The following DPP10 variants were observed in gnomAD, a reference collection of about 807,000 sequenced individuals.
DPP10 encodes the protein inactive dipeptidyl peptidase 10.
Under a neutral mutation model 120.9 loss-of-function variants are expected in DPP10, and 33 were observed. The observed-to-expected ratio is 0.27, with a 90% CI of 0.21 to 0.37. DPP10 has a LOEUF of 0.37. Ranked by LOEUF, DPP10 falls within the 10% of genes least tolerant of loss-of-function variation. DPP10 has a pLI of 1.00. For missense variants in DPP10, 816 were observed against 942.8 expected, an observed-to-expected ratio of 0.87 and a Z score of 1.76; for synonymous variants, 337 against 326.1, an observed-to-expected ratio of 1.03 and a Z score of -0.36.
At chr2:115,743,640 T>TCACGATTTCCTATCAC (rs1278929433) in intron 9 of DPP10, among the ~76,000 whole-genome samples, 7 of 141,096 alleles carry the variant, frequency 5.0e-5, no homozygotes, top group Admixed American at 3.8e-4. Context: ...TTTACATAAA[T>TCACGATTTCCTATCAC]CTTTTTATTA....
At chr2:115,534,746 A>G (rs1486737810) in intron 5 of DPP10, among the ~76,000 whole-genome samples, 1 of 149,606 alleles carries the variant, frequency 6.7e-6, no homozygotes, top group Non-Finnish European at 1.5e-5. Context: ...AAGTGTTCCT[A>G]TTTCTCCACA....
At chr2:114,660,002 G>C (rs976490788) in intron 1 of DPP10, among the ~76,000 whole-genome samples, 2 of 152,180 alleles carry the variant, frequency 1.3e-5, no homozygotes, top group Non-Finnish European at 2.9e-5. Context: ...CTTCATTTCA[G>C]ACTTCTAGGC....
At chr2:114,688,855 G>T (rs1364185433) in intron 1 of DPP10, among the ~76,000 whole-genome samples, 2 of 151,832 alleles carry the variant, frequency 1.3e-5, no homozygotes, top group African/African-American at 2.4e-5. Flanking sequence ...CAAAGGAGAA[G>T]TTAGGAGGAC....
chr2:115,056,158 A>C (rs1381515924), intron 1 of DPP10, among the ~76,000 whole-genome samples: 1 of 152,182 alleles, frequency 6.6e-6, no homozygotes, highest in Non-Finnish European at 1.5e-5. Context: ...TATTGCATAC[A>C]TACGGATCCT....
chr2:114,591,554 A>ATTT (rs70937292), intron 1 of DPP10, among the ~76,000 whole-genome samples: 40 of 124,570 alleles, frequency 3.2e-4, no homozygotes, highest in African/African-American at 1.1e-3. Context: ...ACCTCTTCCT[A>ATTT]TTTTTTTTTT....
At chr2:115,399,081 CG>C (rs996438223) in intron 3 of DPP10, among the ~76,000 whole-genome samples, 18 of 152,056 alleles carry the variant, frequency 1.2e-4, no homozygotes, top group African/African-American at 4.3e-4. Flanking sequence ...GAGGCAGTGT[CG>C]GTGACATTTT....
chr2:115,537,759 G>A (rs1053694439), intron 5 of DPP10, among the ~76,000 whole-genome samples: 3 of 151,836 alleles, frequency 2.0e-5, no homozygotes, highest in Non-Finnish European at 1.5e-5. Context: ...TGCAGATCAG[G>A]GTTTCTAGAA....
chr2:115,741,519 A>G (rs1381013040), intron 9 of DPP10, among the ~76,000 whole-genome samples: 2 of 151,822 alleles, frequency 1.3e-5, no homozygotes, highest in Admixed American at 1.3e-4. Context: ...CCCCAAATAT[A>G]TTAATTCTCA....
chr2:114,694,035 A>G (rs550234077), intron 1 of DPP10, among the ~76,000 whole-genome samples: 1 of 152,072 alleles, frequency 6.6e-6, no homozygotes, highest in Admixed American at 6.6e-5. Context: ...TCTTCTTAGT[A>G]CTGAACCCAA....
chr2:114,667,386 C>A (rs1698007675), intron 1 of DPP10, among the ~76,000 whole-genome samples: 1 of 151,866 alleles, frequency 6.6e-6, no homozygotes, highest in Non-Finnish European at 1.5e-5. Context: ...GTTGATGTAA[C>A]CTGAAGGATA....
At chr2:115,052,408 A>G (rs762574180) in intron 1 of DPP10, among the ~76,000 whole-genome samples, 6 of 152,178 alleles carry the variant, frequency 3.9e-5, no homozygotes, top group Admixed American at 1.3e-4. Context: ...AATGAGAAAT[A>G]ACGTTTGCAA....
chr2:115,340,637 T>TA (rs898167170), intron 2 of DPP10, among the ~76,000 whole-genome samples: 3 of 151,876 alleles, frequency 2.0e-5, no homozygotes, highest in African/African-American at 7.2e-5. Context: ...GTGGTGGACT[T>TA]ACAGCCTTTT....
chr2:115,458,397 T>A (rs2073748918), intron 3 of DPP10, among the ~76,000 whole-genome samples: 1 of 152,158 alleles, frequency 6.6e-6, no homozygotes, highest in Non-Finnish European at 1.5e-5. Context: ...GATAATTGTT[T>A]AGACACTACT....
intron 5 of DPP10, among the ~76,000 whole-genome samples, chr2:115,542,214 C>T (rs1406478148): frequency 6.6e-6 from 1 of 151,894 alleles, no homozygotes; most frequent in Non-Finnish European, 1.5e-5. Flanking sequence ...ACGAAAATCT[C>T]TTTTGCTTCC....
chr2:115,547,257 A>G (rs899034037), intron 5 of DPP10, among the ~76,000 whole-genome samples: 9 of 152,208 alleles, frequency 5.9e-5, no homozygotes, highest in African/African-American at 2.2e-4. Flanking sequence ...CTATCTGGCA[A>G]TAACATATAA....
intron 1 of DPP10, among the ~76,000 whole-genome samples, chr2:114,586,494 T>G (rs1690992780): frequency 6.6e-6 from 1 of 152,148 alleles, no homozygotes; most frequent in African/African-American, 2.4e-5. Flanking sequence ...TACCAGCACA[T>G]AAATTATGAA....
intron 1 of DPP10, among the ~76,000 whole-genome samples, chr2:115,221,010 A>G (rs2057126162): frequency 6.6e-6 from 1 of 152,032 alleles, no homozygotes; most frequent in Non-Finnish European, 1.5e-5. Flanking sequence ...ATAAAACATT[A>G]AAAATATTAA....
intron 1 of DPP10, among the ~76,000 whole-genome samples, chr2:114,615,079 G>A (rs987233167): frequency 6.6e-6 from 1 of 152,158 alleles, no homozygotes; most frequent in African/African-American, 2.4e-5. Context: ...AATTGAGTAT[G>A]CATCTATCAG....
chr2:114,836,201 A>G (rs1032938691), intron 1 of DPP10, among the ~76,000 whole-genome samples: 7 of 152,124 alleles, frequency 4.6e-5, no homozygotes, highest in Admixed American at 4.6e-4. Flanking sequence ...TCTGCCTTTC[A>G]TAGCACTTTA....
Sources: gnomAD v4.1 joint callset for allele counts (sites outside exome capture counted in the v4.1 genomes callset) on GRCh38, gnomAD v4.1.1 for gene constraint, MANE v1.5 for transcripts, NCBI Gene and HGNC (gene_info 2026-07-23, HGNC 2026-07-21) for gene names.